RPTOR: variants seen among roughly 807,000 people sequenced by gnomAD.
The protein encoded by RPTOR is regulatory associated protein of MTOR complex 1.
A neutral mutation model predicts 169.9 loss-of-function variants in RPTOR; 21 were observed. The ratio of observed to expected loss-of-function variants is 0.12; its 90% confidence interval spans 0.09 to 0.18. RPTOR has a LOEUF of 0.18. RPTOR is among the 10% of genes least tolerant of loss of function. RPTOR has a pLI of 1.00. For synonymous variants in RPTOR, 732 were observed against 753.2 expected (o/e 0.97, Z 0.46); for missense variants, 1,133 against 1,855.9 (o/e 0.61, Z 7.16).
chr17:80,962,422 C>T (rs754008381), intron 31 of RPTOR, 39 bp from the exon 32 acceptor site: 3 of 1,562,202 alleles, frequency 1.9e-6, no homozygotes, highest in Admixed American at 1.7e-5. Context: ...CCTCATGGGG[C>T]CTCCGGGAGG....
At chr17:80,930,849 G>A (rs575242821) in intron 24 of RPTOR, among the ~76,000 whole-genome samples, 5 of 152,314 alleles carry the variant, frequency 3.3e-5, no homozygotes, top group South Asian at 2.1e-4. Context: ...GGCAGGGACC[G>A]TGCAGTGCCA....
intron 1 of RPTOR, among the ~76,000 whole-genome samples, chr17:80,624,015 G>A (rs1289915579): frequency 6.6e-6 from 1 of 151,790 alleles, no homozygotes. Context: ...CTCAAGTGGT[G>A]CTCCTGCCTC....
At chr17:80,712,984 G>T (rs1192484168) in intron 4 of RPTOR, among the ~76,000 whole-genome samples, 1 of 152,246 alleles carries the variant, frequency 6.6e-6, no homozygotes, top group Non-Finnish European at 1.5e-5. Flanking sequence ...ATCTCTTCAG[G>T]TTTTTTGCCC....
intron 6 of RPTOR, among the ~76,000 whole-genome samples, chr17:80,758,446 C>T (rs2066702493): frequency 6.6e-6 from 1 of 152,130 alleles, no homozygotes; most frequent in Non-Finnish European, 1.5e-5. Flanking sequence ...CACAAGAGAG[C>T]CCCTGAAGCT....
intron 1 of RPTOR, among the ~76,000 whole-genome samples, chr17:80,612,438 A>T (rs1485459829): frequency 6.6e-6 from 1 of 152,116 alleles, no homozygotes; most frequent in Admixed American, 6.5e-5. Flanking sequence ...CTAATATATG[A>T]ATCTTAATGT....
At chr17:80,927,881 G>T (rs535118042) in intron 24 of RPTOR, among the ~76,000 whole-genome samples, 35 of 152,072 alleles carry the variant, frequency 2.3e-4, no homozygotes, top group East Asian at 9.6e-4. Context: ...CCGCACGGAG[G>T]AGCTGGAGGG....
At chr17:80,922,683 C>A (rs751427140) in intron 21 of RPTOR, 41 bp from the exon 22 acceptor site, 3 of 1,488,080 alleles carry the variant, frequency 2.0e-6, no homozygotes, top group Non-Finnish European at 2.7e-6. Context: ...CCGCGGAGCA[C>A]GTCCCGTCTG....
intron 4 of RPTOR, among the ~76,000 whole-genome samples, chr17:80,716,681 C>G (rs879754523): frequency 5.9e-5 from 9 of 152,114 alleles, no homozygotes; most frequent in Non-Finnish European, 1.3e-4. Context: ...ATGTTATCTT[C>G]TAGAATTTTT....
At chr17:80,665,120 C>T (rs1352835036) in intron 3 of RPTOR, among the ~76,000 whole-genome samples, 1 of 151,990 alleles carries the variant, frequency 6.6e-6, no homozygotes, top group African/African-American at 2.4e-5. Context: ...TGTTGTCAAC[C>T]GAGGGTGCGG....
chr17:80,604,583 G>A (rs1203888438), intron 1 of RPTOR, among the ~76,000 whole-genome samples: 2 of 152,140 alleles, frequency 1.3e-5, no homozygotes, highest in African/African-American at 2.4e-5. Context: ...CTGTTCTCAC[G>A]CCGCTAATAA....
At chr17:80,800,505 G>A (rs72853708) in intron 7 of RPTOR, among the ~76,000 whole-genome samples, 14,277 of 152,228 alleles carry the variant, frequency 0.094, 929 homozygotes, top group South Asian at 0.12. Flanking sequence ...TTTAAAACTA[G>A]GAGAGGAATC....
chr17:80,957,460 T>G lies in RPTOR; in HGVS notation c.3371-164T>G, dbSNP rs73359512. Among the ~76,000 whole-genome samples the G allele has an allele frequency of 0.071, 10,818 of 151,890 alleles. 1,309 individuals are homozygous for G. Among genetic ancestry groups the G allele is most frequent in the African/African-American group, 0.24 (9,953 of 41,238 alleles). On this transcript the variant is annotated intron_variant, in intron 28 of 33. Transcript: ENST00000306801. The surrounding 1 kb of genome is among the most constrained non-coding windows in gnomAD (Gnocchi z 4.6). ...AGCCTGGACGTGGGGCACACCAGGG[T>G]CCCTAGCGGGAGCTCATATGAGGCA...
At chr17:80,801,307 G>A (rs188171802) in intron 7 of RPTOR, among the ~76,000 whole-genome samples, 74 of 152,224 alleles carry the variant, frequency 4.9e-4, no homozygotes, top group Admixed American at 4.7e-3. Context: ...CTTCAAGGGT[G>A]GGTGCTGTTG....
intron 24 of RPTOR, among the ~76,000 whole-genome samples, chr17:80,931,435 T>C (rs1338075481): frequency 6.6e-6 from 1 of 152,094 alleles, no homozygotes; most frequent in East Asian, 1.9e-4. Flanking sequence ...ATGGAGAATC[T>C]CAAACCTTTG....
At chr17:80,830,750 A>G (rs1598336883) in intron 9 of RPTOR, among the ~76,000 whole-genome samples, 3 of 143,570 alleles carry the variant, frequency 2.1e-5, no homozygotes, top group Non-Finnish European at 3.1e-5. Flanking sequence ...CATCATTTTC[A>G]TCTTTTTTTT....
chr17:80,615,485 TAAG>T (rs1244348471), intron 1 of RPTOR, among the ~76,000 whole-genome samples: 1 of 152,162 alleles, frequency 6.6e-6, no homozygotes, highest in Non-Finnish European at 1.5e-5. Flanking sequence ...TGGAAGGTGT[TAAG>T]AAGATTATGG....
chr17:80,873,657 A>G (rs1281527985), intron 13 of RPTOR, among the ~76,000 whole-genome samples: 1 of 152,206 alleles, frequency 6.6e-6, no homozygotes, highest in Non-Finnish European at 1.5e-5. Flanking sequence ...CACATTCCCA[A>G]AGCCGCAAAA....
intron 16 of RPTOR, among the ~76,000 whole-genome samples, chr17:80,884,449 T>C (rs2589123): frequency 0.56 from 85,067 of 151,930 alleles, 24,590 homozygotes; most frequent in African/African-American, 0.71. Flanking sequence ...GCCTGTGCAG[T>C]GCACAGGGTG....
At chr17:80,621,979 C>G (rs1026007475) in intron 1 of RPTOR, among the ~76,000 whole-genome samples, 1 of 152,208 alleles carries the variant, frequency 6.6e-6, no homozygotes, top group Non-Finnish European at 1.5e-5. Flanking sequence ...AGATTCGGCC[C>G]GTTAATGCTG....
Sources: allele counts gnomAD v4.1 joint callset (sites outside exome capture counted in the v4.1 genomes callset), GRCh38; gene constraint gnomAD v4.1.1; non-coding constraint Gnocchi (gnomAD v3.1); transcripts MANE v1.5; gene names NCBI Gene and HGNC (gene_info 2026-07-23, HGNC 2026-07-21).